DOCK1: variants seen among roughly 807,000 people sequenced by gnomAD.
The protein encoded by DOCK1 is dedicator of cytokinesis 1, also known as dedicator of cytokinesis protein 1.
In DOCK1, 138 loss-of-function variants were observed where a neutral mutation model predicts 262.7. The observed-to-expected ratio is 0.53, with a 90% confidence interval of 0.46 to 0.61. The LOEUF (loss-of-function observed/expected upper bound fraction) is 0.61, where lower values mean the gene tolerates loss of function less well. Among genes scored for constraint, DOCK1 ranks in the 20% least tolerant of loss-of-function variants. The pLI, the probability that DOCK1 is intolerant of heterozygous loss-of-function variation, is 0.00. For synonymous variants in DOCK1, 866 were observed against 867.4 expected (o/e 1.00, Z 0.03); for missense variants, 1,908 against 2,370.7 (o/e 0.80, Z 4.05).
chr10:127,338,105 C>G lies in DOCK1; in HGVS notation c.3045-901C>G, dbSNP rs183275032. Among the ~76,000 whole-genome samples, 555 of 152,346 alleles carry G rather than the reference C, an allele frequency of 3.6e-3. 4 individuals carry two copies. The highest frequency in any genetic ancestry group is 4.9e-3 in the Admixed American group (75 of 15,298). On this transcript the variant is annotated intron_variant, in intron 29 of 51. Transcript: ENST00000623213. ...AAGTAACCTACATTTCCCTTCTACT[C>G]TGGCTGCTCCTTGCTGTCTAAATAG...
intron 1 of DOCK1, among the ~76,000 whole-genome samples, chr10:126,957,324 C>T (rs953998739): frequency 0.013 from 1,937 of 152,190 alleles, 32 homozygotes; most frequent in Non-Finnish European, 0.014. Context: ...GGCTTGGGGA[C>T]GGCACTGGGC....
chr10:127,271,634 G>A (rs2060572697), intron 29 of DOCK1, among the ~76,000 whole-genome samples: 1 of 152,144 alleles, frequency 6.6e-6, no homozygotes, highest in South Asian at 2.1e-4. Context: ...TTGGCACTGG[G>A]GGGGATATCT....
intron 31 of DOCK1, among the ~76,000 whole-genome samples, chr10:127,351,778 T>C (rs995832988): frequency 6.6e-6 from 1 of 152,110 alleles, no homozygotes; most frequent in Non-Finnish European, 1.5e-5. Context: ...TGGTGACAGC[T>C]GTGACTTTAT....
At chr10:127,370,261 A>G (rs756831466) in intron 33 of DOCK1, among the ~76,000 whole-genome samples, 1 of 152,288 alleles carries the variant, frequency 6.6e-6, no homozygotes, top group Non-Finnish European at 1.5e-5. Context: ...GTTTATTTTT[A>G]AAGGGTCAAA....
At position 127,008,840 on chromosome 10, in the gene DOCK1, T is replaced by C. The variant is rs527259862; in HGVS notation, c.1058+36T>C. The stretch of plus-strand genomic sequence containing the variant: ...AGCAATTCAAGTACTTAGCCAGATA[T>C]AATGTGGAAAACATAGGCTTGTAAT... On this transcript the variant is annotated intron_variant, in intron 11 of 51. Coordinates refer to ENST00000623213, the MANE Select transcript of DOCK1 (RefSeq NM_001290223.2). The C allele has an allele frequency of 1.5e-5, 23 of 1,517,950 alleles. No individual in the cohort carries two copies. In the East Asian group the frequency reaches 4.9e-4, roughly 32 times the overall value. The allele number at this position is 1,517,950 out of a possible 1,614,324, so 94.0% of individuals were successfully genotyped here.
At chr10:127,238,810 G>A (rs2059163051) in intron 27 of DOCK1, among the ~76,000 whole-genome samples, 1 of 152,156 alleles carries the variant, frequency 6.6e-6, no homozygotes, top group Admixed American at 6.5e-5. Flanking sequence ...CCTACTCTTG[G>A]GAACTCAATG....
chr10:126,954,382 T>A (rs2036566322), intron 1 of DOCK1, among the ~76,000 whole-genome samples: 1 of 152,256 alleles, frequency 6.6e-6, no homozygotes, highest in Admixed American at 6.5e-5. Flanking sequence ...TGGGCTCTGC[T>A]GTCACATCTT....
At chr10:126,925,763 T>TGTGC (rs2033663202) in intron 1 of DOCK1, among the ~76,000 whole-genome samples, 1 of 141,954 alleles carries the variant, frequency 7.0e-6, no homozygotes, top group Non-Finnish European at 1.5e-5. Context: ...TGTGTGTGTG[T>TGTGC]GTGTGTGCGC....
rs961613668 is a variant in DOCK1 at position 126,932,553 on chromosome 10, G to T, written c.46+26990G>T. Among the ~76,000 whole-genome samples the T allele has an allele frequency of 7.7e-3, 1,175 of 152,260 alleles. 20 individuals are homozygous for T. The highest frequency in any genetic ancestry group is 0.027 in the African/African-American group (1,117 of 41,548). Reference sequence around the variant, plus strand: ...GAGAGGCGGAGACACCAGGATATGTGGCCGTGTGGGACTCTGTCTTGGAGC... The same window carrying T: ...GAGAGGCGGAGACACCAGGATATGTTGCCGTGTGGGACTCTGTCTTGGAGC... On this transcript the variant is annotated intron_variant, in intron 1 of 51. Transcript: ENST00000623213.
At chr10:127,301,699 A>C (rs576499666) in intron 29 of DOCK1, among the ~76,000 whole-genome samples, 2 of 152,190 alleles carry the variant, frequency 1.3e-5, no homozygotes, top group African/African-American at 4.8e-5. Flanking sequence ...TAATCCCAGC[A>C]CTTTGAGAGG....
chr10:127,278,318 CA>C (rs2060821590), intron 29 of DOCK1, among the ~76,000 whole-genome samples: 1 of 152,030 alleles, frequency 6.6e-6, no homozygotes, highest in African/African-American at 2.4e-5. Flanking sequence ...TACAGTAAGG[CA>C]GCCACTCATT....
Position 127,276,962 on chromosome 10 carries a change from A to T in DOCK1, c.3044+19533A>T, listed in dbSNP as rs796815790. On this transcript the variant is annotated intron_variant, in intron 29 of 51. Coordinates refer to ENST00000623213, the MANE Select transcript of DOCK1 (RefSeq NM_001290223.2). Reference sequence around the variant, plus strand: ...TGTGCACAGAGCTGGAAAAACTAATAGACTAGATGCATCTTACTGATCACG... The same window carrying T: ...TGTGCACAGAGCTGGAAAAACTAATTGACTAGATGCATCTTACTGATCACG... Among the ~76,000 whole-genome samples the T allele has an allele frequency of 6.6e-5, 10 of 152,282 alleles. 1 individual carries two copies. The highest frequency in any genetic ancestry group is 1.9e-4 in the African/African-American group (8 of 41,564).
intron 46 of DOCK1, among the ~76,000 whole-genome samples, chr10:127,422,158 C>CCT (rs2068551511): frequency 1.6e-5 from 1 of 61,370 alleles, no homozygotes; most frequent in Non-Finnish European, 2.9e-5. Flanking sequence ...TTTTGTTTGT[C>CCT]TTTTTTTTTT....
At chr10:127,349,529 A>G (rs938757912) in intron 31 of DOCK1, among the ~76,000 whole-genome samples, 4 of 151,964 alleles carry the variant, frequency 2.6e-5, no homozygotes, top group African/African-American at 7.3e-5. Context: ...TTAGGAAAGC[A>G]TTTTTCAAAC....
intron 38 of DOCK1, among the ~76,000 whole-genome samples, chr10:127,396,348 C>T (rs1217261191): frequency 6.6e-6 from 1 of 152,174 alleles, no homozygotes; most frequent in Non-Finnish European, 1.5e-5. Context: ...ACCAGCAAGT[C>T]TGCACTCTCC....
At chr10:127,333,303 A>G (rs1379238596) in intron 29 of DOCK1, among the ~76,000 whole-genome samples, 4 of 152,174 alleles carry the variant, frequency 2.6e-5, no homozygotes, top group Non-Finnish European at 5.9e-5. Flanking sequence ...AAGCCCCTGG[A>G]AGTTCCCTGC....
intron 27 of DOCK1, among the ~76,000 whole-genome samples, chr10:127,200,695 C>T (rs965481462): frequency 1.3e-5 from 2 of 152,188 alleles, no homozygotes; most frequent in African/African-American, 4.8e-5. Context: ...TGAGCCACTG[C>T]GCCCGATATT....
chr10:127,065,306 C>T (rs547452429), intron 23 of DOCK1, among the ~76,000 whole-genome samples: 8 of 152,184 alleles, frequency 5.3e-5, no homozygotes, highest in Non-Finnish European at 7.3e-5. Context: ...CCACTGTGCC[C>T]GGCCGTGTTT....
At chr10:126,922,574 A>T (rs576264560) in intron 1 of DOCK1, among the ~76,000 whole-genome samples, 6 of 152,276 alleles carry the variant, frequency 3.9e-5, no homozygotes, top group Non-Finnish European at 5.9e-5. Flanking sequence ...CCATGATCCA[A>T]ATCCCTCCCA....
Sources: allele counts gnomAD v4.1 joint callset (sites outside exome capture counted in the v4.1 genomes callset), GRCh38; gene constraint gnomAD v4.1.1; transcripts MANE v1.5; gene names NCBI Gene and HGNC (gene_info 2026-07-23, HGNC 2026-07-21).